CREG2: variants seen among roughly 807,000 people sequenced by gnomAD.
CREG2 encodes cellular repressor of E1A stimulated genes 2.
A neutral mutation model predicts 26.2 loss-of-function variants in CREG2; 24 were observed. That is an observed-to-expected ratio of 0.92 (90% CI 0.66 to 1.29). The LOEUF (loss-of-function observed/expected upper bound fraction) is 1.29. Among genes scored for constraint, CREG2 ranks in the 50% most tolerant of loss-of-function variants. The probability of loss-of-function intolerance (pLI) is 0.00; values close to 1 mark genes in which losing one functional copy is unlikely to be tolerated. For synonymous variants in CREG2, 174 were observed against 169.2 expected, an observed-to-expected ratio of 1.03 and a Z score of -0.22; for missense variants, 366 against 398.6, an observed-to-expected ratio of 0.92 and a Z score of 0.70.
chr2:101,378,410 G>GC (rs1242862595), intron 2 of CREG2, among the ~76,000 whole-genome samples: 1 of 152,208 alleles, frequency 6.6e-6, no homozygotes, highest in Admixed American at 6.5e-5. Context: ...AGGTCCTAGG[G>GC]GAGGGGCAAG....
chr2:101,363,810 A>G (rs1004118937), intron 2 of CREG2, among the ~76,000 whole-genome samples: 2 of 151,700 alleles, frequency 1.3e-5, no homozygotes, highest in Non-Finnish European at 2.9e-5. Context: ...TGATCATGCC[A>G]TTGCACTCCA....
In CREG2 at chr2:101,350,792, C is replaced by T; in HGVS notation, c.*131G>A. 1.1e-6 allele frequency: 1 copy of T among 895,930 alleles called. No homozygotes were observed. Among genetic ancestry groups the T allele is most frequent in the Non-Finnish European group, 1.8e-6 (1 of 570,794 alleles). 55.5% of individuals were successfully genotyped at this position (895,930 alleles called of 1,614,324 possible). ...ATAGAGTTCCCTGTTCACCCTCTCTCATTCTGCTGCAGGGATGGCAGGGCT... is the reference window on the plus strand; with the variant it reads ...ATAGAGTTCCCTGTTCACCCTCTCTTATTCTGCTGCAGGGATGGCAGGGCT... On this transcript the variant is annotated 3_prime_UTR_variant, in exon 4 of 4. Transcript: ENST00000324768.
intron 2 of CREG2, among the ~76,000 whole-genome samples, chr2:101,366,559 A>C (rs1684620435): frequency 6.6e-6 from 1 of 152,208 alleles, no homozygotes; most frequent in Non-Finnish European, 1.5e-5. Flanking sequence ...GCAGTGGCTC[A>C]TGCCTGTAAT....
chr2:101,386,387 T>C (rs953039072), intron 1 of CREG2, among the ~76,000 whole-genome samples: 7 of 152,258 alleles, frequency 4.6e-5, no homozygotes, highest in African/African-American at 1.2e-4. Context: ...TACTTATCCA[T>C]GTCATTCTAG....
intron 2 of CREG2, among the ~76,000 whole-genome samples, chr2:101,369,673 G>A (rs1053395928): frequency 6.6e-6 from 1 of 152,126 alleles, no homozygotes; most frequent in Non-Finnish European, 1.5e-5. Flanking sequence ...TTCCATGTGC[G>A]TCTTATACCT....
At chr2:101,362,556 A>G (rs1342801861) in intron 2 of CREG2, among the ~76,000 whole-genome samples, 1 of 152,150 alleles carries the variant, frequency 6.6e-6, no homozygotes, top group Non-Finnish European at 1.5e-5. Flanking sequence ...ATAGCAATCA[A>G]TGAGCTATTT....
intron 2 of CREG2, among the ~76,000 whole-genome samples, chr2:101,363,093 T>C (rs1684567415): frequency 6.6e-6 from 1 of 152,210 alleles, no homozygotes; most frequent in African/African-American, 2.4e-5. Flanking sequence ...TTTTTATTTT[T>C]CCTATAACAG....
At chr2:101,353,062 T>C (rs1446524354) in intron 3 of CREG2, among the ~76,000 whole-genome samples, 3 of 152,168 alleles carry the variant, frequency 2.0e-5, no homozygotes, top group Admixed American at 6.5e-5. Context: ...AGGTAGAAAA[T>C]AGGAAATGTT....
rs115028031 is a variant in CREG2 at position 101,372,116 on chromosome 2, G to T, written c.611+11417C>A. On this transcript the variant is annotated intron_variant, in intron 2 of 3. Coordinates refer to ENST00000324768, the MANE Select transcript of CREG2 (RefSeq NM_153836.4). The stretch of plus-strand genomic sequence containing the variant: ...TCAAGGTGGGGGAAATGGCAGCCAC[G>T]CTGTGGAACCCTACTCAGCTCCCCT... 3.3e-3 allele frequency among the ~76,000 whole-genome samples: 504 copies of T among 152,262 alleles called. 5 individuals carry two copies. Among genetic ancestry groups the T allele is most frequent in the African/African-American group, 0.012 (485 of 41,548 alleles).
chr2:101,385,108 A>G (rs779149068), intron 1 of CREG2, among the ~76,000 whole-genome samples: 8 of 152,216 alleles, frequency 5.3e-5, no homozygotes, highest in Non-Finnish European at 1.2e-4. Context: ...ACACAGATGG[A>G]CTAAGACAGG....
At chr2:101,384,837 G>A (rs1373722547) in intron 1 of CREG2, among the ~76,000 whole-genome samples, 1 of 152,014 alleles carries the variant, frequency 6.6e-6, no homozygotes, top group Non-Finnish European at 1.5e-5. Context: ...TTCCAGCCTG[G>A]GTGACAGAGC....
In CREG2 at chr2:101,383,566, A is replaced by G; in HGVS notation, c.578T>C (p.Leu193Pro). Residue 193 changes from leucine (L) to proline (P), a missense_variant, in exon 2 of 4, where the codon CTG (leucine) becomes CCG (proline). This residue lies in a region of CREG2 where 174 missense variants were observed against 178.2 expected (regional missense o/e 0.98). Transcript: ENST00000324768. ...CTCCCCTTCTGATTCTGGCAGCATC[A>G]GCGAGGCCATGGGGTTCTTCATCAG... ...ADLMKNPMAS[L>P]MLPESEGEFC... 6.2e-7 allele frequency: 1 copy of G among 1,614,168 alleles called. No homozygotes were observed. The highest frequency in any genetic ancestry group is 1.1e-5 in the South Asian group (1 of 91,084).
rs1483415054 is a variant in CREG2, at chr2:101,382,706, G to GTTAT, written c.611+823_611+826dup. Reference sequence around the variant, plus strand: ...TCTGTAAGAACTAATACATTGTTTGGTTATTATGTTTTCCGTGCTGTGCAT... The same window carrying GTTAT: ...TCTGTAAGAACTAATACATTGTTTGGTTATTTATTATGTTTTCCGTGCTGTGCAT... On this transcript the variant is annotated intron_variant, in intron 2 of 3. Transcript: ENST00000324768. The GTTAT allele has an allele frequency of 4.1e-6, 4 of 985,398 alleles. No homozygotes were observed. The East Asian group carries it at 3.4e-4, about 84-fold the overall frequency. 61.0% of individuals were successfully genotyped at this position (985,398 alleles called of 1,614,324 possible).
intron 2 of CREG2, chr2:101,382,783 C>T: frequency 2.0e-6 from 2 of 985,362 alleles, no homozygotes; most frequent in South Asian, 4.7e-5. Flanking sequence ...TTTTCTAAAG[C>T]ATCACTACAT....
At chr2:101,373,760 A>G (rs1228670353) in intron 2 of CREG2, among the ~76,000 whole-genome samples, 1 of 152,226 alleles carries the variant, frequency 6.6e-6, no homozygotes, top group Non-Finnish European at 1.5e-5. Context: ...GGTTACTATG[A>G]TATATGACCT....
chr2:101,354,368 C>T (rs547414066), intron 3 of CREG2, among the ~76,000 whole-genome samples: 1 of 152,300 alleles, frequency 6.6e-6, no homozygotes, highest in Admixed American at 6.5e-5. Flanking sequence ...ATATCCAATC[C>T]CAATCATTCT....
chr2:101,382,995 T>A (rs1684902021), intron 2 of CREG2: 1 of 985,996 alleles, frequency 1.0e-6, no homozygotes, highest in Admixed American at 6.1e-5. Flanking sequence ...GTTCTGTTAG[T>A]GCTTAAATGT....
intron 2 of CREG2, among the ~76,000 whole-genome samples, chr2:101,356,834 A>T (rs1427864130): frequency 6.6e-6 from 1 of 152,116 alleles, no homozygotes; most frequent in Non-Finnish European, 1.5e-5. Context: ...GAATTATCCT[A>T]AGACTTGTTT....
intron 2 of CREG2, among the ~76,000 whole-genome samples, chr2:101,369,491 T>C (rs535647832): frequency 1.3e-4 from 20 of 152,172 alleles, no homozygotes; most frequent in Admixed American, 6.5e-4. Context: ...GACTATACAT[T>C]TGGGAGTCAC....
Sources: allele counts gnomAD v4.1 joint callset (sites outside exome capture counted in the v4.1 genomes callset), GRCh38; gene constraint gnomAD v4.1.1; regional missense constraint gnomAD v4.1.1; transcripts MANE v1.5; gene names NCBI Gene and HGNC (gene_info 2026-07-23, HGNC 2026-07-21).